Variants in STAU2 observed in about 807,000 individuals in gnomAD.
STAU2 encodes double-stranded RNA-binding protein Staufen homolog 2.
In STAU2, 20 loss-of-function variants were observed where a neutral mutation model predicts 65.9. That is an observed-to-expected ratio of 0.30 (90% CI 0.21 to 0.44). The LOEUF is 0.44. Among genes scored for constraint, STAU2 ranks in the 20% least tolerant of loss-of-function variants. STAU2 has a pLI of 1.00. For missense variants in STAU2, 558 were observed against 683.9 expected (o/e 0.82, Z 2.05); for synonymous variants, 232 against 233.9 (o/e 0.99, Z 0.07).
intron 12 of STAU2, among the ~76,000 whole-genome samples, chr8:73,553,150 G>C (rs941661861): frequency 1.3e-5 from 2 of 152,176 alleles, no homozygotes; most frequent in African/African-American, 4.8e-5. Context: ...ACTATCATTT[G>C]TCTCAGAGAA....
chr8:73,570,067 GA>G (rs1443210572), intron 12 of STAU2, among the ~76,000 whole-genome samples: 1 of 152,110 alleles, frequency 6.6e-6, no homozygotes, highest in Non-Finnish European at 1.5e-5. Flanking sequence ...TAAAAACCTT[GA>G]AAAAAGATTC....
At chr8:73,701,979 G>C (rs1586305662) in intron 4 of STAU2, among the ~76,000 whole-genome samples, 1 of 152,114 alleles carries the variant, frequency 6.6e-6, no homozygotes, top group Non-Finnish European at 1.5e-5. Flanking sequence ...CAGGTACAGA[G>C]AGACAAACAT....
intron 6 of STAU2, among the ~76,000 whole-genome samples, chr8:73,626,120 C>A (rs1170457153): frequency 6.6e-6 from 1 of 151,270 alleles, no homozygotes. Flanking sequence ...TACACATCAA[C>A]AAATGAGATG....
chr8:73,607,737 C>CAA (rs397961982), intron 9 of STAU2, among the ~76,000 whole-genome samples: 13 of 64,752 alleles, frequency 2.0e-4, no homozygotes, highest in Admixed American at 5.5e-4. Context: ...AACTCCGTCT[C>CAA]AAAAAAAAAA....
At chr8:73,626,682 G>A (rs1813667140) in intron 6 of STAU2, among the ~76,000 whole-genome samples, 1 of 152,172 alleles carries the variant, frequency 6.6e-6, no homozygotes, top group Non-Finnish European at 1.5e-5. Flanking sequence ...CAGCATAGAT[G>A]TTTTTCTGTA....
chr8:73,632,377 G>T (rs1183028998), intron 6 of STAU2, among the ~76,000 whole-genome samples: 2 of 151,924 alleles, frequency 1.3e-5, no homozygotes, highest in Non-Finnish European at 2.9e-5. Flanking sequence ...GTGTATATAA[G>T]GTTCCTTAAG....
intron 3 of STAU2, among the ~76,000 whole-genome samples, chr8:73,736,469 T>G (rs1478354703): frequency 6.6e-6 from 1 of 152,152 alleles, no homozygotes; most frequent in Non-Finnish European, 1.5e-5. Context: ...TAACTACAAA[T>G]GTCATGTTAT....
chr8:73,643,231 A>G (rs185362054), intron 6 of STAU2, among the ~76,000 whole-genome samples: 1 of 152,356 alleles, frequency 6.6e-6, no homozygotes, highest in Non-Finnish European at 1.5e-5. Context: ...TGAAATTCCA[A>G]TTAAACATCC....
At chr8:73,614,425 T>C (rs1812685035) in intron 8 of STAU2, among the ~76,000 whole-genome samples, 1 of 152,110 alleles carries the variant, frequency 6.6e-6, no homozygotes, top group African/African-American at 2.4e-5. Context: ...TCAAAAACAG[T>C]CAATGGATAA....
At chr8:73,747,361 C>G (rs1253151651), upstream of STAU2, 1 of 1,535,250 alleles carries the variant, frequency 6.5e-7, no homozygotes. Context: ...TGGTCCGCAC[C>G]CTGTGCTCTG....
chr8:73,665,560 G>A (rs1817173427), intron 6 of STAU2, among the ~76,000 whole-genome samples: 1 of 152,176 alleles, frequency 6.6e-6, no homozygotes, highest in Non-Finnish European at 1.5e-5. Context: ...AATATTGGCA[G>A]TTTCATACGG....
intron 13 of STAU2, among the ~76,000 whole-genome samples, chr8:73,470,133 G>C (rs1291126015): frequency 6.6e-6 from 1 of 152,126 alleles, no homozygotes; most frequent in African/African-American, 2.4e-5. Flanking sequence ...TTACACTAGT[G>C]AATTCGCATT....
chr8:73,434,442 AG>A (rs1330668186), intron 13 of STAU2, among the ~76,000 whole-genome samples: 1 of 151,900 alleles, frequency 6.6e-6, no homozygotes, highest in Non-Finnish European at 1.5e-5. Flanking sequence ...AGGTAGCAAG[AG>A]AAAATGAATA....
At chr8:73,583,945 G>A (rs939923554) in intron 11 of STAU2, among the ~76,000 whole-genome samples, 7 of 151,886 alleles carry the variant, frequency 4.6e-5, no homozygotes, top group Non-Finnish European at 7.4e-5. Flanking sequence ...TTATGTTAAC[G>A]GTCAAAGGTC....
chr8:73,561,192 A>G (rs1808199329), intron 12 of STAU2, among the ~76,000 whole-genome samples: 1 of 152,182 alleles, frequency 6.6e-6, no homozygotes, highest in Non-Finnish European at 1.5e-5. Flanking sequence ...CACATTGTAT[A>G]TGACTCAGAG....
chr8:73,693,103 G>C (rs995604502), intron 4 of STAU2, among the ~76,000 whole-genome samples: 3 of 152,096 alleles, frequency 2.0e-5, no homozygotes, highest in African/African-American at 7.2e-5. Flanking sequence ...GAACGCTGCA[G>C]TGAGCTATGA....
At chr8:73,565,179 T>C (rs1808510148) in intron 12 of STAU2, among the ~76,000 whole-genome samples, 1 of 152,180 alleles carries the variant, frequency 6.6e-6, no homozygotes, top group Non-Finnish European at 1.5e-5. Context: ...GGAGTCCCAG[T>C]GTTGGAGGAG....
intron 3 of STAU2, among the ~76,000 whole-genome samples, chr8:73,727,325 C>T (rs896330630): frequency 1.3e-5 from 2 of 152,194 alleles, no homozygotes; most frequent in African/African-American, 4.8e-5. Flanking sequence ...AGTTCCAAAA[C>T]ACTGTTATGA....
At chr8:73,746,871 C>G, upstream of STAU2, 1 of 1,193,222 alleles carries the variant, frequency 8.4e-7, no homozygotes, top group Non-Finnish European at 1.0e-6. Flanking sequence ...GGCTTCCACC[C>G]CTCGGGCTCC....
Sources: gnomAD v4.1 joint callset for allele counts (sites outside exome capture counted in the v4.1 genomes callset) on GRCh38, gnomAD v4.1.1 for gene constraint, MANE v1.5 for transcripts, NCBI Gene and HGNC (gene_info 2026-07-23, HGNC 2026-07-21) for gene names.